The following EEFSEC variants were observed in gnomAD, a reference collection of about 807,000 sequenced individuals.
The protein encoded by EEFSEC is eukaryotic elongation factor, selenocysteine-tRNA specific.
In EEFSEC, 43 loss-of-function variants were observed where a neutral mutation model predicts 42.1. The ratio of observed to expected loss-of-function variants is 1.02; its 90% confidence interval spans 0.80 to 1.32. EEFSEC has a LOEUF of 1.32. Among genes scored for constraint, EEFSEC ranks in the 40% most tolerant of loss-of-function variants. The pLI, the probability that EEFSEC is intolerant of heterozygous loss-of-function variation, is 0.00. For missense variants in EEFSEC, 745 were observed against 803.6 expected (o/e 0.93, Z 0.88); for synonymous variants, 354 against 339.1 (o/e 1.04, Z -0.48).
intron 6 of EEFSEC, among the ~76,000 whole-genome samples, chr3:128,392,921 T>C (rs1399086131): frequency 6.6e-6 from 1 of 152,184 alleles, no homozygotes; most frequent in Non-Finnish European, 1.5e-5. Context: ...CTTCAGTGTT[T>C]GCTGTCTCCT....
the EEFSEC span, among the ~76,000 whole-genome samples, chr3:128,414,470 A>G: frequency 6.6e-6 from 1 of 152,196 alleles, no homozygotes; most frequent in Non-Finnish European, 1.5e-5. Context: ...AGGCCCAGGC[A>G]GAGGCCCTGG....
chr3:128,414,441 G>A, the EEFSEC span, among the ~76,000 whole-genome samples: 4 of 152,164 alleles, frequency 2.6e-5, no homozygotes, highest in South Asian at 2.1e-4. Context: ...AGGGGGGAGC[G>A]GAGCCAGGCC....
intron 6 of EEFSEC, chr3:128,362,315 C>T (rs1235498062): frequency 1.0e-5 from 5 of 477,054 alleles, no homozygotes; most frequent in Non-Finnish European, 1.3e-5. Context: ...CTTGATGACT[C>T]CCAACTGGAG....
At chr3:128,235,746 G>T (rs998667620) in intron 1 of EEFSEC, among the ~76,000 whole-genome samples, 7 of 152,180 alleles carry the variant, frequency 4.6e-5, no homozygotes, top group Non-Finnish European at 1.0e-4. Context: ...CTTCCAACAG[G>T]CAGTCAGGCT....
At chr3:128,170,625 T>C (rs1449898546) in intron 1 of EEFSEC, among the ~76,000 whole-genome samples, 1 of 152,172 alleles carries the variant, frequency 6.6e-6, no homozygotes, top group Non-Finnish European at 1.5e-5. Context: ...AAGAAGGGCA[T>C]GTTGCCAACT....
intron 2 of EEFSEC, among the ~76,000 whole-genome samples, chr3:128,261,551 C>CTTTTTTTTTTTT: frequency 9.4e-6 from 1 of 106,894 alleles, no homozygotes; most frequent in Non-Finnish European, 1.8e-5. Flanking sequence ...CTCTTTCCCT[C>CTTTTTTTTTTTT]TTTTTTTTTT....
At chr3:128,377,143 A>G (rs1042424504) in intron 6 of EEFSEC, among the ~76,000 whole-genome samples, 1 of 152,156 alleles carries the variant, frequency 6.6e-6, no homozygotes, top group Non-Finnish European at 1.5e-5. Flanking sequence ...CATTATTAAT[A>G]TTTTGACTTA....
chr3:128,212,982 C>T (rs1482702995), intron 1 of EEFSEC, among the ~76,000 whole-genome samples: 1 of 152,214 alleles, frequency 6.6e-6, no homozygotes, highest in African/African-American at 2.4e-5. Context: ...ACATCTGCAG[C>T]GCCAGCTTCC....
At chr3:128,398,980 CTT>C (rs2068015772) in intron 6 of EEFSEC, among the ~76,000 whole-genome samples, 1 of 152,152 alleles carries the variant, frequency 6.6e-6, no homozygotes, top group Admixed American at 6.5e-5. Context: ...GGACAACAAA[CTT>C]TCCTCCGCAG....
chr3:128,241,199 C>T (rs1309571788), intron 1 of EEFSEC, among the ~76,000 whole-genome samples: 25 of 108,188 alleles, frequency 2.3e-4, no homozygotes, highest in African/African-American at 7.7e-4. Flanking sequence ...CTCTCTCTCT[C>T]TCTTTTTTTT....
chr3:128,422,300 G>A, the EEFSEC span, among the ~76,000 whole-genome samples: 1 of 152,350 alleles, frequency 6.6e-6, no homozygotes, highest in East Asian at 1.9e-4. Flanking sequence ...TCCTGCATAC[G>A]TTCAGGAGTG....
intron 1 of EEFSEC, among the ~76,000 whole-genome samples, chr3:128,194,416 CTGGATG>C (rs1008588712): frequency 6.6e-6 from 1 of 152,146 alleles, no homozygotes; most frequent in African/African-American, 2.4e-5. Context: ...GCAGCAGTGG[CTGGATG>C]GGACTGGGAT....
At chr3:128,375,318 T>C (rs1301417079) in intron 6 of EEFSEC, among the ~76,000 whole-genome samples, 1 of 152,188 alleles carries the variant, frequency 6.6e-6, no homozygotes, top group Non-Finnish European at 1.5e-5. Context: ...TGTGCCATCT[T>C]CCAGCACCTG....
chr3:128,358,394 C>G, intron 6 of EEFSEC, 21 bp downstream of exon 6: 1 of 1,613,618 alleles, frequency 6.2e-7, no homozygotes, highest in Non-Finnish European at 8.5e-7. Flanking sequence ...CCACTTCCTC[C>G]CGGTTTAGGG....
intron 6 of EEFSEC, chr3:128,362,309 A>G (rs938736851): frequency 2.1e-6 from 1 of 479,824 alleles, no homozygotes; most frequent in East Asian, 6.5e-5. Flanking sequence ...GAACACCTTG[A>G]TGACTCCCAA....
At chr3:128,226,890 T>C (rs1359708660) in intron 1 of EEFSEC, among the ~76,000 whole-genome samples, 2 of 152,170 alleles carry the variant, frequency 1.3e-5, no homozygotes, top group Admixed American at 6.5e-5. Context: ...GCAGGTACAG[T>C]ATCAGGCATC....
intron 4 of EEFSEC, among the ~76,000 whole-genome samples, chr3:128,300,011 C>A (rs2066749827): frequency 6.6e-6 from 1 of 152,076 alleles, no homozygotes; most frequent in Admixed American, 6.5e-5. Flanking sequence ...GGGGTCTGGG[C>A]CTGGGCAGGG....
chr3:128,341,909 G>A lies in EEFSEC; in HGVS notation c.1443+20G>A. On this transcript the variant is annotated intron_variant, in intron 5 of 6. Coordinates refer to ENST00000254730, the MANE Select transcript of EEFSEC (RefSeq NM_021937.5). ...GAGCGGGTGAGCATGCCCTTGCCTG[G>A]CCCCACACCCCTTCCCTTCTTGCTC... The A allele has an allele frequency of 6.2e-7, 1 of 1,602,522 alleles. No individual in the cohort carries two copies.
At chr3:128,353,623 A>G (rs987487156) in intron 5 of EEFSEC, among the ~76,000 whole-genome samples, 2 of 152,238 alleles carry the variant, frequency 1.3e-5, no homozygotes, top group African/African-American at 2.4e-5. Flanking sequence ...GTCAGTCATG[A>G]CATGGCTCTG....
Sources: allele counts gnomAD v4.1 joint callset (sites outside exome capture counted in the v4.1 genomes callset), GRCh38; gene constraint gnomAD v4.1.1; transcripts MANE v1.5; gene names NCBI Gene and HGNC (gene_info 2026-07-23, HGNC 2026-07-21).